KIF6: variants seen among roughly 807,000 people sequenced by gnomAD.
KIF6 encodes kinesin-like protein KIF6.
Under a neutral mutation model 112.7 loss-of-function variants are expected in KIF6, and 106 were observed. The observed-to-expected ratio is 0.94, with a 90% CI of 0.80 to 1.11. The LOEUF (loss-of-function observed/expected upper bound fraction) is 1.11. Among genes scored for constraint, KIF6 ranks in the 50% least tolerant of loss-of-function variants. The pLI is 0.00. For missense variants in KIF6, 929 were observed against 964.0 expected, an observed-to-expected ratio of 0.96 and a Z score of 0.48; for synonymous variants, 339 against 339.9, an observed-to-expected ratio of 1.00 and a Z score of 0.03.
intron 3 of KIF6, among the ~76,000 whole-genome samples, chr6:39,651,179 T>C (rs574534889): frequency 6.6e-6 from 1 of 152,276 alleles, no homozygotes; most frequent in Admixed American, 6.5e-5. Context: ...GTGAGAAAAC[T>C]GTGTTTTCCT....
chr6:39,386,971 T>A (rs1198776751), intron 15 of KIF6, among the ~76,000 whole-genome samples: 1 of 152,148 alleles, frequency 6.6e-6, no homozygotes, highest in African/African-American at 2.4e-5. Context: ...ATAGCTGAAT[T>A]GAGTATTCAA....
At chr6:39,434,095 A>C (rs149442612) in intron 13 of KIF6, among the ~76,000 whole-genome samples, 2 of 152,244 alleles carry the variant, frequency 1.3e-5, no homozygotes, top group African/African-American at 4.8e-5. Flanking sequence ...AGAGCAAAGG[A>C]GCAAAAAGAG....
intron 3 of KIF6, among the ~76,000 whole-genome samples, chr6:39,655,867 A>G (rs777970114): frequency 1.3e-4 from 20 of 152,222 alleles, no homozygotes; most frequent in Middle Eastern, 3.2e-3. Context: ...CAAGTCTACC[A>G]TCTTTGTTCT....
At chr6:39,495,854 A>C (rs1164973819) in intron 13 of KIF6, among the ~76,000 whole-genome samples, 19 of 151,944 alleles carry the variant, frequency 1.3e-4, no homozygotes, top group African/African-American at 4.6e-4. Context: ...TGGAGGAGGG[A>C]GCCCTTTGTC....
intron 10 of KIF6, among the ~76,000 whole-genome samples, chr6:39,556,946 T>C (rs1465608001): frequency 1.3e-5 from 2 of 152,182 alleles, no homozygotes; most frequent in African/African-American, 2.4e-5. Flanking sequence ...ATTAAATTTG[T>C]AGACAACATT....
At position 39,586,372 on chromosome 6, in the gene KIF6, C is replaced by T. The variant is rs749826419; in HGVS notation, c.879G>A (p.Ser293=). 30 of 1,613,788 alleles carry T rather than the reference C, an allele frequency of 1.9e-5. No individual in the cohort carries two copies. The highest frequency in any genetic ancestry group is 8.9e-5 in the East Asian group (4 of 44,892). The change falls in exon 8 of 23, where the codon TCG becomes TCA. Residue 293 remains serine, a synonymous_variant. Coordinates refer to ENST00000287152, the MANE Select transcript of KIF6 (RefSeq NM_145027.6). Reference sequence around the variant, plus strand: ...TCATGGAGTTTCTATAAGGAATGTGCGAACGGTGCTTTTCTGAAAGGGCAA... The same window carrying T: ...TCATGGAGTTTCTATAAGGAATGTGTGAACGGTGCTTTTCTGAAAGGGCAA... The part of the protein sequence containing the change: ...VIIALSEKHR[S]HIPYRNSMMT...
chr6:39,580,008 C>T (rs1781198450), intron 9 of KIF6, among the ~76,000 whole-genome samples: 1 of 151,786 alleles, frequency 6.6e-6, no homozygotes, highest in South Asian at 2.1e-4. Flanking sequence ...CTTCCATGTA[C>T]ATTTTAGACC....
At chr6:39,510,895 A>AAAAAC (rs1776745735) in intron 13 of KIF6, among the ~76,000 whole-genome samples, 1 of 150,172 alleles carries the variant, frequency 6.7e-6, no homozygotes, top group African/African-American at 2.5e-5. Context: ...AAAAAAAAAA[A>AAAAAC]AAGCAAGGGT....
chr6:39,394,241 A>C (rs1156278341), intron 15 of KIF6, among the ~76,000 whole-genome samples: 2 of 152,228 alleles, frequency 1.3e-5, no homozygotes, highest in Non-Finnish European at 2.9e-5. Context: ...TACGATTCAC[A>C]TAAAAGCTAT....
intron 22 of KIF6, among the ~76,000 whole-genome samples, chr6:39,337,228 T>TTTCTTTCTTTCTTTCTTTC (rs1562102963): frequency 9.9e-6 from 1 of 101,160 alleles, no homozygotes; most frequent in Non-Finnish European, 1.7e-5. Context: ...TCTTTCTTTC[T>TTTCTTTCTTTCTTTCTTTC]TTCTTTCTTT....
At chr6:39,544,036 TA>T (rs1217503756) in intron 12 of KIF6, among the ~76,000 whole-genome samples, 1 of 152,236 alleles carries the variant, frequency 6.6e-6, no homozygotes, top group Non-Finnish European at 1.5e-5. Flanking sequence ...GGCTTTTAAA[TA>T]AAAAGTTACA....
At chr6:39,617,794 G>C (rs1398752939) in intron 5 of KIF6, 1 of 453,024 alleles carries the variant, frequency 2.2e-6, no homozygotes, top group East Asian at 7.0e-5. Flanking sequence ...TCAAGAGCAG[G>C]TGGGCCTCAT....
intron 3 of KIF6, among the ~76,000 whole-genome samples, chr6:39,702,633 C>T (rs974978272): frequency 5.9e-5 from 9 of 152,120 alleles, no homozygotes; most frequent in Non-Finnish European, 1.3e-4. Flanking sequence ...AATTCCTGGG[C>T]TCAAACGATC....
At chr6:39,441,462 G>A (rs896308564) in intron 13 of KIF6, among the ~76,000 whole-genome samples, 7 of 152,134 alleles carry the variant, frequency 4.6e-5, no homozygotes, top group Non-Finnish European at 1.0e-4. Flanking sequence ...CCTAGCATGT[G>A]TGTATCACTG....
chr6:39,621,386 A>G (rs1783813225), intron 5 of KIF6, among the ~76,000 whole-genome samples: 1 of 152,206 alleles, frequency 6.6e-6, no homozygotes, highest in Non-Finnish European at 1.5e-5. Context: ...TGGGAAGCCT[A>G]TAGCACCCTC....
chr6:39,592,354 G>A (rs2150676802), intron 7 of KIF6, among the ~76,000 whole-genome samples: 1 of 152,274 alleles, frequency 6.6e-6, no homozygotes, highest in Non-Finnish European at 1.5e-5. Flanking sequence ...GAAGTGTTTG[G>A]AAAATTATCC....
chr6:39,394,261 T>C (rs1190220583), intron 15 of KIF6, among the ~76,000 whole-genome samples: 1 of 152,206 alleles, frequency 6.6e-6, no homozygotes, highest in Non-Finnish European at 1.5e-5. Flanking sequence ...TATTTGTATA[T>C]ATTTATAAAA....
At chr6:39,415,302 A>AAAAAAG (rs1491331810) in intron 15 of KIF6, among the ~76,000 whole-genome samples, 3 of 4,576 alleles carry the variant, frequency 6.6e-4, no homozygotes, top group Non-Finnish European at 1.1e-3. Flanking sequence ...TTTAAAATGT[A>AAAAAAG]AAAAAAAAAA....
intron 5 of KIF6, among the ~76,000 whole-genome samples, chr6:39,625,612 T>C (rs1255473216): frequency 6.6e-6 from 1 of 152,162 alleles, no homozygotes; most frequent in South Asian, 2.1e-4. Context: ...TCTATGCTTA[T>C]AGGCCTAGGA....
Sources: gnomAD v4.1 joint callset for allele counts (sites outside exome capture counted in the v4.1 genomes callset) on GRCh38, gnomAD v4.1.1 for gene constraint, MANE v1.5 for transcripts, NCBI Gene and HGNC (gene_info 2026-07-23, HGNC 2026-07-21) for gene names.